PAX5: variants seen among roughly 807,000 people sequenced by gnomAD.
PAX5 encodes paired box protein Pax-5.
In PAX5, 9 loss-of-function variants were observed where a neutral mutation model predicts 43.7. The observed-to-expected ratio is 0.21, with a 90% CI of 0.12 to 0.36. PAX5 has a LOEUF of 0.36. Among genes scored for constraint, PAX5 ranks in the 10% least tolerant of loss-of-function variants. PAX5 has a pLI of 1.00. For missense variants in PAX5, 383 were observed against 532.7 expected (o/e 0.72, Z 2.77); for synonymous variants, 228 against 214.3 (o/e 1.06, Z -0.56).
intron 5 of PAX5, among the ~76,000 whole-genome samples, chr9:36,973,955 A>G (rs1835208401): frequency 6.6e-6 from 1 of 152,176 alleles, no homozygotes; most frequent in Admixed American, 6.5e-5. Context: ...AGCCAAGATC[A>G]TGCCATTGCA....
intron 6 of PAX5, among the ~76,000 whole-genome samples, chr9:36,930,551 T>C (rs891079238): frequency 6.6e-6 from 1 of 152,116 alleles, no homozygotes; most frequent in Non-Finnish European, 1.5e-5. Context: ...ATCTGCATCA[T>C]TGATAGCCTT....
chr9:37,024,577 C>T (rs1476098714), intron 1 of PAX5, among the ~76,000 whole-genome samples: 1 of 152,160 alleles, frequency 6.6e-6, no homozygotes, highest in Non-Finnish European at 1.5e-5. Context: ...GCCTCAGAAC[C>T]GAGAGTGCTT....
intron 7 of PAX5, among the ~76,000 whole-genome samples, chr9:36,884,497 T>A (rs1030572614): frequency 6.6e-6 from 1 of 152,250 alleles, no homozygotes; most frequent in East Asian, 1.9e-4. Flanking sequence ...TGTTCTTATA[T>A]TGATACTAAA....
chr9:36,836,711 G>C lies in PAX5; in HGVS notation c.*3849C>G, dbSNP rs1821669131. 2 of 231,896 alleles carry C rather than the reference G, an allele frequency of 8.6e-6. No individual in the cohort carries two copies. Among genetic ancestry groups the C allele is most frequent in the Non-Finnish European group, 1.7e-5 (2 of 117,296 alleles). The allele number at this position is 231,896 out of a possible 1,614,324, so 14.4% of individuals were successfully genotyped here. ...TTCCAGGGGCTGTGGACACCCTGGT[G>C]GCCCTGGCTTGGGCACTCCTGCATA... On this transcript the variant is annotated 3_prime_UTR_variant, in exon 10 of 10. Coordinates refer to ENST00000358127, the MANE Select transcript of PAX5 (RefSeq NM_016734.3).
chr9:37,034,027 T>A lies in PAX5; in HGVS notation c.5A>T (p.Asp2Val). 6.2e-7 allele frequency: 1 copy of A among 1,601,906 alleles called. No homozygotes were observed. The highest frequency in any genetic ancestry group is 8.5e-7 in the Non-Finnish European group (1 of 1,173,550). Residue 2 changes from aspartate (D) to valine (V), a missense_variant, in exon 1 of 10, where the codon GAT becomes GTT. By Grantham distance (152) the Asp-to-Val change is radical (BLOSUM62 -3). Coordinates refer to ENST00000358127, the MANE Select transcript of PAX5 (RefSeq NM_016734.3). ...AGGAGTCGGATAATTTTTCTCTAAA[T>A]CCATTTTGATTTTTCAGGACTTGAT... is the stretch of plus-strand genomic sequence containing the variant. M[D>V]LEKNYPTPRT...
chr9:36,866,690 C>T (rs1413736940), intron 8 of PAX5, among the ~76,000 whole-genome samples: 1 of 152,008 alleles, frequency 6.6e-6, no homozygotes, highest in Non-Finnish European at 1.5e-5. Flanking sequence ...GGGGTGGGGA[C>T]AATAGGGCAG....
chr9:36,988,911 A>G (rs1026237673), intron 5 of PAX5, among the ~76,000 whole-genome samples: 5 of 152,230 alleles, frequency 3.3e-5, no homozygotes, highest in African/African-American at 9.7e-5. Flanking sequence ...CCCCTTTGAC[A>G]GGTGAGGAAA....
chr9:37,017,848 C>G (rs1433113824), intron 2 of PAX5, among the ~76,000 whole-genome samples: 1 of 152,252 alleles, frequency 6.6e-6, no homozygotes, highest in Non-Finnish European at 1.5e-5. Flanking sequence ...GCAACCCTGA[C>G]ACTCCGAAAA....
intron 6 of PAX5, among the ~76,000 whole-genome samples, chr9:36,959,406 C>T (rs1712438881): frequency 6.6e-6 from 1 of 152,238 alleles, no homozygotes; most frequent in African/African-American, 2.4e-5. Flanking sequence ...TTTAGCCTGT[C>T]TTCTTCCTTG....
In PAX5 at chr9:36,882,267, T is replaced by TACACACAC. The variant is rs10650417; in HGVS notation, c.911-170_911-163dup. 4.5e-3 allele frequency among the ~76,000 whole-genome samples: 656 copies of TACACACAC among 146,374 alleles called. 6 individuals carry two copies. The highest frequency in any genetic ancestry group is 0.015 in the African/African-American group (602 of 40,252). ...GCTCACACGCTCTCACAAACACACATACACACACACACACACACACACACA... is the reference window on the plus strand; with the variant it reads ...GCTCACACGCTCTCACAAACACACATACACACACACACACACACACACACACACACACA... On this transcript the variant is annotated intron_variant, in intron 7 of 9. Transcript: ENST00000358127. This position sits in a 1 kb window ranked among gnomAD's most constrained non-coding sequence, Gnocchi z 4.4.
chr9:36,857,819 C>A (rs2131633336), intron 8 of PAX5, among the ~76,000 whole-genome samples: 1 of 152,352 alleles, frequency 6.6e-6, no homozygotes, highest in East Asian at 1.9e-4. Flanking sequence ...TTTCAACTCC[C>A]CAACAAGGCA....
chr9:36,967,294 G>A (rs1834527838), intron 5 of PAX5, among the ~76,000 whole-genome samples: 1 of 152,180 alleles, frequency 6.6e-6, no homozygotes, highest in Non-Finnish European at 1.5e-5. Context: ...TAGACAAGTC[G>A]ACAAATCTAT....
In PAX5 at chr9:36,876,156, T is replaced by A. The variant is rs140363478; in HGVS notation, c.1012+5848A>T. Among the ~76,000 whole-genome samples, 147 of 152,340 alleles carry A rather than the reference T, an allele frequency of 9.6e-4. 1 individual carries two copies. The East Asian group carries it at 0.027, about 28-fold the overall frequency. On this transcript the variant is annotated intron_variant, in intron 8 of 9. Coordinates refer to ENST00000358127, the MANE Select transcript of PAX5 (RefSeq NM_016734.3). The stretch of plus-strand genomic sequence containing the variant: ...AGGAGCAGGCCCCTCTCACTCCCCC[T>A]GTGGTGTTCAGTGGACCCTGTGCCT...
intron 8 of PAX5, among the ~76,000 whole-genome samples, chr9:36,853,155 A>C (rs1174978850): frequency 6.6e-6 from 1 of 152,366 alleles, no homozygotes; most frequent in South Asian, 2.1e-4. Context: ...AAGTAAATGC[A>C]AACATCAGTA....
intron 6 of PAX5, among the ~76,000 whole-genome samples, chr9:36,956,096 T>C (rs1416271615): frequency 6.6e-6 from 1 of 152,148 alleles, no homozygotes; most frequent in Non-Finnish European, 1.5e-5. Flanking sequence ...GATAGCCTTG[T>C]TTGAGGGGAA....
chr9:36,887,862 T>G (rs1348297753), intron 7 of PAX5, among the ~76,000 whole-genome samples: 2 of 152,158 alleles, frequency 1.3e-5, no homozygotes, highest in African/African-American at 4.8e-5. Context: ...GGAGAAAATA[T>G]TTGCAAATCA....
chr9:36,933,925 C>A (rs1188984506), intron 6 of PAX5, among the ~76,000 whole-genome samples: 1 of 152,138 alleles, frequency 6.6e-6, no homozygotes, highest in African/African-American at 2.4e-5. Context: ...TGGGGCCCTT[C>A]TGACTCACTA....
At chr9:36,906,278 T>C (rs967334674) in intron 7 of PAX5, among the ~76,000 whole-genome samples, 4 of 152,142 alleles carry the variant, frequency 2.6e-5, no homozygotes, top group African/African-American at 7.2e-5. Flanking sequence ...AGCGTGTGGA[T>C]CACCCAGGTG....
chr9:36,980,693 G>T (rs897234186), intron 5 of PAX5, among the ~76,000 whole-genome samples: 2 of 152,160 alleles, frequency 1.3e-5, no homozygotes, highest in African/African-American at 4.8e-5. Flanking sequence ...GCCCAGGGTC[G>T]AGTGGGAGCC....
Sources: gnomAD v4.1 joint callset for allele counts (sites outside exome capture counted in the v4.1 genomes callset) on GRCh38, gnomAD v4.1.1 for gene constraint, Gnocchi (gnomAD v3.1) non-coding constraint, MANE v1.5 for transcripts, NCBI Gene and HGNC (gene_info 2026-07-23, HGNC 2026-07-21) for gene names.